DNAJC8: variants seen among roughly 807,000 people sequenced by gnomAD.
DNAJC8 encodes DnaJ heat shock protein family (Hsp40) member C8, also known as dnaJ homolog subfamily C member 8.
Under a neutral mutation model 43.2 loss-of-function variants are expected in DNAJC8, and 24 were observed. The observed-to-expected ratio is 0.56, with a 90% CI of 0.40 to 0.78. DNAJC8 has a LOEUF of 0.78. Among genes scored for constraint, DNAJC8 ranks in the 30% least tolerant of loss-of-function variants. DNAJC8 has a pLI of 0.00. For synonymous variants in DNAJC8, 83 were observed against 98.0 expected (o/e 0.85, Z 0.90); for missense variants, 207 against 299.4 (o/e 0.69, Z 2.28).
intron 1 of DNAJC8, among the ~76,000 whole-genome samples, chr1:28,232,648 T>A (rs1201452341): frequency 3.4e-5 from 5 of 147,998 alleles, no homozygotes; most frequent in Non-Finnish European, 6.1e-5. Context: ...CTCCGCGGAC[T>A]TGGGGCACTC....
Position 28,209,440 on chromosome 1 carries a change from T to C in DNAJC8, c.399+532A>G, listed in dbSNP as rs993373927. Among the ~76,000 whole-genome samples the C allele has an allele frequency of 5.9e-5, 9 of 152,338 alleles. No individual in the cohort carries two copies. The East Asian group carries it at 7.7e-4, about 13-fold the overall frequency. ...CATTTCCCACCACATTGGAGACTTA[T>C]GTATGCCCTCAAGAGCAAACAAAAA... On this transcript the variant is annotated intron_variant, in intron 5 of 8. Transcript: ENST00000263697.
Position 28,200,967 on chromosome 1 carries a change from G to A in DNAJC8, c.*281C>T. On this transcript the variant is annotated 3_prime_UTR_variant, in exon 9 of 9. Transcript: ENST00000263697. ...ACAATTCAGTGAAGTACAAAACACT[G>A]AGTTACAGGCTGTGGGAAGAGAAGG... The A allele has an allele frequency of 2.2e-6, 1 of 447,560 alleles. No individual in the cohort carries two copies. The highest frequency in any genetic ancestry group is 3.5e-5 in the Admixed American group (1 of 28,224). The allele number at this position is 447,560 out of a possible 1,614,324, so 27.7% of individuals were successfully genotyped here.
At chr1:28,202,588 CTTT>C (rs369024181) in intron 8 of DNAJC8, among the ~76,000 whole-genome samples, 8 of 89,650 alleles carry the variant, frequency 8.9e-5, no homozygotes, top group Admixed American at 1.4e-4. Context: ...CTTTTTTTTT[CTTT>C]TTTTTTTTTT....
rs747303612 is a variant in DNAJC8 at position 28,204,724 on chromosome 1, G to A, written c.563+534C>T. On this transcript the variant is annotated intron_variant, in intron 7 of 8. Coordinates refer to ENST00000263697, the MANE Select transcript of DNAJC8 (RefSeq NM_014280.3). ...CAGGAAGAACACACACAAGGCTCTT[G>A]ATTATAAATAAACTCCCTGGCAGCA... 5.3e-5 allele frequency among the ~76,000 whole-genome samples: 8 copies of A among 151,850 alleles called. No individual in the cohort carries two copies. In the South Asian group the frequency reaches 8.3e-4, roughly 16 times the overall value.
At position 28,201,008 on chromosome 1, in the gene DNAJC8, C is replaced by A; in HGVS notation, c.*240G>T. 1 of 525,310 alleles carries A rather than the reference C, an allele frequency of 1.9e-6. No homozygotes were observed. Among genetic ancestry groups the A allele is most frequent in the South Asian group, 2.1e-5 (1 of 47,720 alleles). 32.5% of individuals were successfully genotyped at this position (525,310 alleles called of 1,614,324 possible). ...GAAGAGAAGGCAGCACCAATGGTGG[C>A]ACCTTCTAATACTGGTTGTTCTAGG... On this transcript the variant is annotated 3_prime_UTR_variant, in exon 9 of 9. Coordinates refer to ENST00000263697, the MANE Select transcript of DNAJC8 (RefSeq NM_014280.3).
At chr1:28,208,902 A>T (rs1199020686) in intron 5 of DNAJC8, 3 of 152,292 alleles carry the variant, frequency 2.0e-5, no homozygotes, top group Non-Finnish European at 4.4e-5. Flanking sequence ...ATATTAACTG[A>T]TACTTTTATC....
chr1:28,212,166 TAA>T (rs1491346644), intron 3 of DNAJC8, among the ~76,000 whole-genome samples: 32 of 23,856 alleles, frequency 1.3e-3, no homozygotes, highest in South Asian at 2.2e-3. Flanking sequence ...AATAAATAAA[TAA>T]ATATATATAT....
intron 6 of DNAJC8, among the ~76,000 whole-genome samples, chr1:28,205,925 T>C (rs947489893): frequency 1.3e-5 from 2 of 152,080 alleles, no homozygotes; most frequent in African/African-American, 4.8e-5. Context: ...GGTGCACACC[T>C]GTAGATCCAG....
At chr1:28,229,806 T>G (rs1188636319) in intron 1 of DNAJC8, among the ~76,000 whole-genome samples, 1 of 150,054 alleles carries the variant, frequency 6.7e-6, no homozygotes, top group Non-Finnish European at 1.5e-5. Context: ...GAGATTTCTC[T>G]GTGAGGAAAA....
chr1:28,227,702 C>T (rs777226515), intron 2 of DNAJC8, among the ~76,000 whole-genome samples: 4 of 151,984 alleles, frequency 2.6e-5, no homozygotes, highest in Non-Finnish European at 5.9e-5. Context: ...CTTAAGCCCA[C>T]GAGTTCTAAG....
intron 1 of DNAJC8, among the ~76,000 whole-genome samples, chr1:28,231,445 G>A (rs909716566): frequency 6.6e-5 from 10 of 152,184 alleles, no homozygotes; most frequent in African/African-American, 2.4e-4. Context: ...GCCAGGCGTG[G>A]TGGCTCAAGC....
chr1:28,200,559 G>C lies in DNAJC8; in HGVS notation c.*689C>G, dbSNP rs1213961264. 1 of 456,364 alleles carries C rather than the reference G, an allele frequency of 2.2e-6. No homozygotes were observed. Among genetic ancestry groups the C allele is most frequent in the African/African-American group, 2.0e-5 (1 of 50,054 alleles). The allele number at this position is 456,364 out of a possible 1,614,324, so 28.3% of individuals were successfully genotyped here. A position where few individuals can be genotyped will look rare whatever the true frequency, so the allele number is the denominator to read the frequency against. ...ACAAGGAAAAGTACATCAATGGCTT[G>C]GGTATAAAAATTTATTATACATAAA... On this transcript the variant is annotated 3_prime_UTR_variant, in exon 9 of 9. Transcript: ENST00000263697.
chr1:28,207,636 GT>G (rs1430765080), intron 6 of DNAJC8, among the ~76,000 whole-genome samples: 1 of 150,970 alleles, frequency 6.6e-6, no homozygotes, highest in East Asian at 2.1e-4. Context: ...TAGAGACGGG[GT>G]TTCACCATGT....
chr1:28,215,102 A>T, intron 2 of DNAJC8, 106 bp from the exon 3 acceptor site: 8 of 885,998 alleles, frequency 9.0e-6, no homozygotes, highest in Non-Finnish European at 1.2e-5. Flanking sequence ...CTAGAATAGT[A>T]CCCCATGTTC....
chr1:28,220,248 T>C (rs1045425150), intron 2 of DNAJC8, among the ~76,000 whole-genome samples: 7 of 152,232 alleles, frequency 4.6e-5, no homozygotes, highest in Non-Finnish European at 1.0e-4. Flanking sequence ...AACTCCTCTT[T>C]TGTCTTTAAG....
At chr1:28,207,633 G>A (rs1572060587) in intron 6 of DNAJC8, among the ~76,000 whole-genome samples, 1 of 151,188 alleles carries the variant, frequency 6.6e-6, no homozygotes, top group Middle Eastern at 3.4e-3. Flanking sequence ...TAGTAGAGAC[G>A]GGGTTTCACC....
intron 5 of DNAJC8, 160 bp from the exon 6 acceptor site, chr1:28,208,573 C>T (rs1646787033): frequency 2.5e-6 from 1 of 392,204 alleles, no homozygotes; most frequent in African/African-American, 2.2e-5. Flanking sequence ...CTCAAAAGAA[C>T]AACAGAATCA....
rs1646957247 is a variant in DNAJC8 at position 28,229,126 on chromosome 1, T to C, written c.79-103A>G. The C allele has an allele frequency of 3.1e-5, 29 of 944,972 alleles. 1 individual carries two copies. In the South Asian group the frequency reaches 4.4e-4, roughly 14 times the overall value. 58.5% of individuals were successfully genotyped at this position (944,972 alleles called of 1,614,324 possible). ...TATGTTCAACAAACATTTATTTGTG[T>C]GTTTACCATGTGCAAGACATTTTGC... On this transcript the variant is annotated intron_variant, in intron 1 of 8. Transcript: ENST00000263697.
chr1:28,226,710 G>A (rs1646937537), intron 2 of DNAJC8, among the ~76,000 whole-genome samples: 1 of 151,186 alleles, frequency 6.6e-6, no homozygotes. Flanking sequence ...CTTTGTTGGA[G>A]TGATTGCTGT....
Sources: gnomAD v4.1 joint callset for allele counts (sites outside exome capture counted in the v4.1 genomes callset) on GRCh38, gnomAD v4.1.1 for gene constraint, MANE v1.5 for transcripts, NCBI Gene and HGNC (gene_info 2026-07-23, HGNC 2026-07-21) for gene names.